GPAM: variants seen among roughly 807,000 people sequenced by gnomAD.
GPAM encodes glycerol-3-phosphate acyltransferase, mitochondrial.
GPAM carries 56 observed loss-of-function variants against 105.0 expected under a neutral mutation model. The observed-to-expected ratio is 0.53, with a 90% CI of 0.43 to 0.67. The LOEUF is 0.67. Ranked by LOEUF, GPAM falls within the 30% of genes least tolerant of loss-of-function variation. The probability of loss-of-function intolerance (pLI) is 0.00; values close to 1 mark genes in which losing one functional copy is unlikely to be tolerated. For missense variants in GPAM, 855 were observed against 989.8 expected (o/e 0.86, Z 1.83); for synonymous variants, 368 against 354.4 (o/e 1.04, Z -0.43).
At chr10:112,166,300 G>A in intron 12 of GPAM, 102 bp downstream of exon 12, 7 of 762,804 alleles carry the variant, frequency 9.2e-6, no homozygotes, top group Non-Finnish European at 7.3e-6. Flanking sequence ...AGAGCAAACT[G>A]CAGCCCCAAG....
rs947513776 is a variant in GPAM at position 112,206,819 on chromosome 10, T to C, written n.210+8349A>G. Among the ~76,000 whole-genome samples the C allele has an allele frequency of 1.2e-3, 139 of 113,008 alleles. 1 individual carries two copies. In the Admixed American group the frequency reaches 0.013, roughly 10 times the overall value. The allele number at this position is 113,008 out of a possible 152,430, so 74.1% of individuals were successfully genotyped here. The stretch of plus-strand genomic sequence containing the variant: ...ATGTACCCTAAAACTTAAAGTATAA[T>C]AAAAAAAAAAATTTAAAAAAAAAAA... On this transcript the variant is annotated intron_variant and non_coding_transcript_variant, in intron 1 of 3. Transcript: ENST00000480130.
In GPAM at chr10:112,150,824, G is replaced by A; in HGVS notation, c.*2726C>T. The A allele has an allele frequency of 4.1e-6, 4 of 984,756 alleles. No individual in the cohort carries two copies. In the East Asian group the frequency reaches 4.5e-4, roughly 112 times the overall value. 61.0% of individuals were successfully genotyped at this position (984,756 alleles called of 1,614,324 possible). ...GCACTCATATTACATGGAGTGCTAT[G>A]GGAAATGCTTTTCCCCATCCAGGTT... On this transcript the variant is annotated 3_prime_UTR_variant, in exon 22 of 22. Transcript: ENST00000348367.
Position 112,151,662 on chromosome 10 carries a change from G to C in GPAM, c.*1888C>G, listed in dbSNP as rs1188529543. On this transcript the variant is annotated 3_prime_UTR_variant, in exon 22 of 22. Transcript: ENST00000348367. ...AGCTCTTTGCAGCAATGACAGGCAGGGCAGAGTGTCGACTGGGAAGCGAGT... is the reference window on the plus strand; with the variant it reads ...AGCTCTTTGCAGCAATGACAGGCAGCGCAGAGTGTCGACTGGGAAGCGAGT... 1.5e-5 allele frequency: 15 copies of C among 985,146 alleles called. No homozygotes were observed. The highest frequency in any genetic ancestry group is 1.8e-5 in the Non-Finnish European group (15 of 829,820). 61.0% of individuals were successfully genotyped at this position (985,146 alleles called of 1,614,324 possible).
chr10:112,158,364 A>G lies in GPAM; in HGVS notation c.1932T>C (p.His644=). 6.2e-7 allele frequency: 1 copy of G among 1,605,916 alleles called. No homozygotes were observed. Among genetic ancestry groups the G allele is most frequent in the East Asian group, 2.2e-5 (1 of 44,846 alleles). The change falls in exon 18 of 22, where the codon CAT becomes CAC. Residue 644 remains histidine (H), a synonymous_variant. Coordinates refer to ENST00000348367, the MANE Select transcript of GPAM (RefSeq NM_001244949.2). ...LPCQTFYQVC[H]ETVGKFIQYG... Reference sequence around the variant, plus strand: ...ACTGGATAAACTTTCCTACTGTTTCATGGCAGACTTGGTAAAATGTCTGGC... The same window carrying G: ...ACTGGATAAACTTTCCTACTGTTTCGTGGCAGACTTGGTAAAATGTCTGGC...
In GPAM at chr10:112,155,927, C is replaced by A; in HGVS notation, c.2248G>T (p.Glu750Ter). Reference protein sequence around the residue: ...HNFSGPVPEPEYLQKLHKYLI... With the variant: ...HNFSGPVPEP ...TATTTGTGCAACTTTTGCAGATACT[C>A]AGGTTCTGGAACAGGACCACTGAAG... The change falls in exon 20 of 22, where the codon GAG becomes TAG. Residue 750 changes from glutamate (E) to a stop codon, truncating the protein, a stop_gained. Coordinates refer to ENST00000348367, the MANE Select transcript of GPAM (RefSeq NM_001244949.2). LOFTEE classifies it high-confidence loss of function. 6.2e-7 allele frequency: 1 copy of A among 1,612,032 alleles called. No homozygotes were observed. Among genetic ancestry groups the A allele is most frequent in the South Asian group, 1.1e-5 (1 of 91,050 alleles).
At chr10:112,156,184 C>T (rs898817253) in intron 19 of GPAM, 131 bp from the exon 20 acceptor site, 18 of 700,472 alleles carry the variant, frequency 2.6e-5, no homozygotes, top group Non-Finnish European at 3.4e-5. Context: ...TACATGAAAG[C>T]GGCCCCCTGC....
chr10:112,170,583 G>A (rs912623559), intron 9 of GPAM, among the ~76,000 whole-genome samples: 1 of 152,196 alleles, frequency 6.6e-6, no homozygotes, highest in Non-Finnish European at 1.5e-5. Flanking sequence ...TAGAGCCCCA[G>A]TGGAATAGTC....
the GPAM span, among the ~76,000 whole-genome samples, chr10:112,220,853 T>TACACAC: frequency 0.077 from 11,230 of 145,926 alleles, 449 homozygotes; most frequent in Middle Eastern, 0.19. Flanking sequence ...AGATCTCAAA[T>TACACAC]ACACACACAC....
chr10:112,199,089 ATGTGTGTG>A (rs34627276), intron 1 of GPAM, among the ~76,000 whole-genome samples: 1,438 of 134,970 alleles, frequency 0.011, 13 homozygotes, highest in Middle Eastern at 0.015. Context: ...CGCCTGGCTA[ATGTGTGTG>A]TGTGTGTGTG....
upstream of GPAM, chr10:112,183,882 T>G (rs1847556373): frequency 6.6e-6 from 1 of 152,274 alleles, no homozygotes; most frequent in Non-Finnish European, 1.5e-5. Context: ...GGGTGTAATG[T>G]GTGTACTCGA....
At chr10:112,201,406 T>G (rs1564690110) in intron 1 of GPAM, among the ~76,000 whole-genome samples, 1 of 152,340 alleles carries the variant, frequency 6.6e-6, no homozygotes, top group East Asian at 1.9e-4. Flanking sequence ...CAATTATCTT[T>G]TCAGGAACTA....
Position 112,151,663 on chromosome 10 carries a change from G to A in GPAM, c.*1887C>T. 2.0e-6 allele frequency: 2 copies of A among 985,184 alleles called. No homozygotes were observed. Among genetic ancestry groups the A allele is most frequent in the Non-Finnish European group, 1.2e-6 (1 of 829,734 alleles). 61.0% of individuals were successfully genotyped at this position (985,184 alleles called of 1,614,324 possible). On this transcript the variant is annotated 3_prime_UTR_variant, in exon 22 of 22. Coordinates refer to ENST00000348367, the MANE Select transcript of GPAM (RefSeq NM_001244949.2). ...GCTCTTTGCAGCAATGACAGGCAGG[G>A]CAGAGTGTCGACTGGGAAGCGAGTC...
At chr10:112,159,788 G>A (rs538569012) in intron 17 of GPAM, 123 bp downstream of exon 17, 17 of 957,158 alleles carry the variant, frequency 1.8e-5, no homozygotes, top group Non-Finnish European at 2.8e-5. Context: ...CTGAAATCCA[G>A]GAGTGGAATA....
At chr10:112,196,113 C>T (rs979703546) in intron 1 of GPAM, among the ~76,000 whole-genome samples, 1 of 152,026 alleles carries the variant, frequency 6.6e-6, no homozygotes, top group Non-Finnish European at 1.5e-5. Context: ...CACACATGCC[C>T]AATACTCTTG....
the GPAM span, among the ~76,000 whole-genome samples, chr10:112,225,636 A>G: frequency 1.3e-5 from 2 of 152,036 alleles, no homozygotes; most frequent in East Asian, 1.9e-4. Context: ...TCCCCTTTCC[A>G]TAAGTAAAGC....
At chr10:112,180,696 T>C (rs768936011) in intron 3 of GPAM, 101 bp from the exon 4 acceptor site, 6 of 1,036,894 alleles carry the variant, frequency 5.8e-6, no homozygotes, top group African/African-American at 1.6e-5. Context: ...GAAAAACTTA[T>C]GGCATATTCT....
chr10:112,156,449 C>A, intron 19 of GPAM: 1 of 289,252 alleles, frequency 3.5e-6, no homozygotes. Flanking sequence ...AATGGGAGAC[C>A]ACCAAGATTA....
intron 1 of GPAM, among the ~76,000 whole-genome samples, chr10:112,192,488 G>C (rs531817932): frequency 5.5e-4 from 84 of 152,198 alleles, no homozygotes; most frequent in Non-Finnish European, 1.0e-3. Flanking sequence ...CTCCTAAAAG[G>C]GGAGAGCAGC....
At chr10:112,180,402 A>C in intron 4 of GPAM, 71 bp downstream of exon 4, 1 of 1,443,132 alleles carries the variant, frequency 6.9e-7, no homozygotes, top group Non-Finnish European at 9.7e-7. Context: ...GTCCAATAAG[A>C]CTGCCTACTA....
Sources: allele counts gnomAD v4.1 joint callset (sites outside exome capture counted in the v4.1 genomes callset), GRCh38; gene constraint gnomAD v4.1.1; transcripts MANE v1.5; gene names NCBI Gene and HGNC (gene_info 2026-07-23, HGNC 2026-07-21).